Variants in RACGAP1 observed in about 807,000 individuals in gnomAD.
RACGAP1 encodes the protein Rac GTPase activating protein 1.
In RACGAP1, 30 loss-of-function variants were observed where a neutral mutation model predicts 78.1. The ratio of observed to expected loss-of-function variants is 0.38; its 90% confidence interval spans 0.29 to 0.52. The LOEUF (loss-of-function observed/expected upper bound fraction) is 0.52, where lower values mean the gene tolerates loss of function less well. Among genes scored for constraint, RACGAP1 ranks in the 20% least tolerant of loss-of-function variants. The pLI is 0.82. For synonymous variants in RACGAP1, 231 were observed against 264.8 expected, an observed-to-expected ratio of 0.87 and a Z score of 1.24; for missense variants, 587 against 777.1, an observed-to-expected ratio of 0.76 and a Z score of 2.91.
intron 2 of RACGAP1, chr12:50,031,571 G>A (rs1329918602): frequency 8.6e-6 from 4 of 465,282 alleles, no homozygotes; most frequent in South Asian, 9.2e-5. Flanking sequence ...CCCAACCCTC[G>A]TTTGCAGTTC....
chr12:49,999,086 AT>A (rs1948488498), intron 9 of RACGAP1, 54 bp downstream of exon 9: 15 of 1,529,326 alleles, frequency 9.8e-6, no homozygotes, highest in Non-Finnish European at 1.2e-5. Context: ...TATTCCTGGT[AT>A]TTATTACTTT....
intron 10 of RACGAP1, among the ~76,000 whole-genome samples, 170 bp downstream of exon 10, chr12:49,996,866 TAGAC>T (rs1312203722): frequency 1.3e-5 from 2 of 151,876 alleles, no homozygotes; most frequent in Non-Finnish European, 2.9e-5. Flanking sequence ...AGAAAGGTAT[TAGAC>T]AGACAAACCC....
In RACGAP1 at chr12:49,994,006, C is replaced by G. The variant is rs1038958553; in HGVS notation, c.1339+125G>C. ...GTTGCAGTGAGCTGAGATTGCGCCA[C>G]TGACTTCAGCCTGGGCGAGAGTGAG... On this transcript the variant is annotated intron_variant, in intron 12 of 16. Transcript: ENST00000312377. The G allele has an allele frequency of 2.8e-5, 27 of 965,970 alleles. No homozygotes were observed. In the African/African-American group the frequency reaches 4.1e-4, roughly 15 times the overall value. The allele number at this position is 965,970 out of a possible 1,614,324, so 59.8% of individuals were successfully genotyped here.
At chr12:50,001,069 A>T in intron 7 of RACGAP1, 103 bp downstream of exon 7, 3 of 970,428 alleles carry the variant, frequency 3.1e-6, no homozygotes, top group Non-Finnish European at 4.6e-6. Flanking sequence ...CAAAAACTTT[A>T]ACTAAACATC....
chr12:50,012,369 G>A (rs1389797435), intron 2 of RACGAP1, among the ~76,000 whole-genome samples: 1 of 151,774 alleles, frequency 6.6e-6, no homozygotes, highest in Non-Finnish European at 1.5e-5. Context: ...GACCATCCTG[G>A]CTAACATGGT....
chr12:49,991,119 A>G (rs962840892), intron 15 of RACGAP1, among the ~76,000 whole-genome samples: 1 of 152,184 alleles, frequency 6.6e-6, no homozygotes, highest in African/African-American at 2.4e-5. Flanking sequence ...TGGGTCTCCA[A>G]TGCCAGTGAG....
chr12:49,993,859 C>T (rs888424970), intron 12 of RACGAP1, among the ~76,000 whole-genome samples: 2 of 151,258 alleles, frequency 1.3e-5, no homozygotes, highest in Admixed American at 1.3e-4. Context: ...TCCTGGCTAA[C>T]ATGGTGAAAC....
chr12:50,000,018 A>ATGTTTTTTTTTTTTT lies in RACGAP1; in HGVS notation c.631-286_631-285insAAAAAAAAAAAAACA, dbSNP rs1555172403. ...AAGCATGCGCCACCACACCTGACTG[A>ATGTTTTTTTTTTTTT]TTTTTTTTTTTTTGAGACGGAGTCT... On this transcript the variant is annotated intron_variant, in intron 7 of 16. Coordinates refer to ENST00000312377, the MANE Select transcript of RACGAP1 (RefSeq NM_001319999.2). Among the ~76,000 whole-genome samples the ATGTTTTTTTTTTTTT allele has an allele frequency of 5.1e-3, 512 of 99,584 alleles. 35 individuals are homozygous for ATGTTTTTTTTTTTTT. Among genetic ancestry groups the ATGTTTTTTTTTTTTT allele is most frequent in the Middle Eastern group, 0.034 (4 of 118 alleles). The allele number at this position is 99,584 out of a possible 152,430, so 65.3% of individuals were successfully genotyped here.
At chr12:50,028,034 C>T (rs968946022), upstream of RACGAP1, among the ~76,000 whole-genome samples, 3 of 152,066 alleles carry the variant, frequency 2.0e-5, no homozygotes, top group Admixed American at 1.3e-4. Context: ...GATCCTGTAA[C>T]GGACTCAATG....
At chr12:49,997,282 T>G in intron 9 of RACGAP1, 78 bp from the exon 10 acceptor site, 1 of 1,407,042 alleles carries the variant, frequency 7.1e-7, no homozygotes, top group Non-Finnish European at 9.4e-7. Context: ...CTTTTTTTTT[T>G]TTTTTTTTTT....
chr12:50,011,378 A>G (rs1423895019), intron 2 of RACGAP1, among the ~76,000 whole-genome samples: 1 of 151,188 alleles, frequency 6.6e-6, no homozygotes, highest in Non-Finnish European at 1.5e-5. Flanking sequence ...ACTGGGGTGG[A>G]TGCACAAACC....
At chr12:50,032,588 G>A (rs694851) in intron 1 of RACGAP1, among the ~76,000 whole-genome samples, 109,725 of 150,848 alleles carry the variant, frequency 0.73, 46,372 homozygotes, top group Non-Finnish European at 0.93. Flanking sequence ...GCGTGGGGGC[G>A]CGGGTTCCTA....
At chr12:49,993,428 C>T (rs760466817) in intron 12 of RACGAP1, among the ~76,000 whole-genome samples, 7 of 152,210 alleles carry the variant, frequency 4.6e-5, no homozygotes, top group Non-Finnish European at 1.0e-4. Flanking sequence ...CATACAGTTA[C>T]TCATCCATCA....
chr12:50,002,103 TG>T lies in RACGAP1; in HGVS notation c.549+143del. 6.3e-6 allele frequency: 3 copies of T among 478,468 alleles called. No individual in the cohort carries two copies. The South Asian group carries it at 1.1e-4, about 18-fold the overall frequency. 29.6% of individuals were successfully genotyped at this position (478,468 alleles called of 1,614,324 possible). A position where few individuals can be genotyped will look rare whatever the true frequency, so the allele number is the denominator to read the frequency against. On this transcript the variant is annotated intron_variant, in intron 6 of 16. Transcript: ENST00000312377. ...AAAAAAAAAAAAAGAATATCAATAC[TG>T]TCCCCACAGCATGAATTCATCTGTA... is the stretch of plus-strand genomic sequence containing the variant.
intron 2 of RACGAP1, among the ~76,000 whole-genome samples, chr12:50,012,472 A>T (rs564918858): frequency 1.3e-5 from 2 of 152,014 alleles, no homozygotes; most frequent in South Asian, 4.2e-4. Flanking sequence ...GAGGCAGGAG[A>T]ATCACTTGAA....
At position 49,999,604 on chromosome 12, in the gene RACGAP1, A is replaced by G. The variant is rs761660533; in HGVS notation, c.748+12T>C. On this transcript the variant is annotated intron_variant, in intron 8 of 16. Transcript: ENST00000312377. ...TTTTACACAGGCCAGTTTAGTCACA[A>G]ATTCAATGGACCTGTTTTCCTTCGG... is the stretch of plus-strand genomic sequence containing the variant. 1 of 1,608,194 alleles carries G rather than the reference A, an allele frequency of 6.2e-7. No homozygotes were observed. Among genetic ancestry groups the G allele is most frequent in the Non-Finnish European group, 8.5e-7 (1 of 1,174,758 alleles).
At chr12:50,022,156 G>C (rs996526182) in intron 1 of RACGAP1, among the ~76,000 whole-genome samples, 2 of 152,116 alleles carry the variant, frequency 1.3e-5, no homozygotes, top group Admixed American at 6.5e-5. Flanking sequence ...TCAAGGTCTA[G>C]AATAAGTCTC....
chr12:50,031,614 G>T (rs1950336770), intron 2 of RACGAP1: 1 of 877,748 alleles, frequency 1.1e-6, no homozygotes, highest in Non-Finnish European at 1.4e-6. Flanking sequence ...TCCACCTGGG[G>T]CCTTCAACCT....
At chr12:50,023,804 C>A (rs532773902) in intron 1 of RACGAP1, among the ~76,000 whole-genome samples, 2 of 152,218 alleles carry the variant, frequency 1.3e-5, no homozygotes, top group East Asian at 3.9e-4. Context: ...GGAGACTTCT[C>A]AAAGAACTAA....
Sources: gnomAD v4.1 joint callset for allele counts (sites outside exome capture counted in the v4.1 genomes callset) on GRCh38, gnomAD v4.1.1 for gene constraint, MANE v1.5 for transcripts, NCBI Gene and HGNC (gene_info 2026-07-23, HGNC 2026-07-21) for gene names.